CALN1: variants seen among roughly 807,000 people sequenced by gnomAD.
CALN1 encodes the protein calneuron 1.
CALN1 carries 17 observed loss-of-function variants against 30.6 expected under a neutral mutation model. That is an observed-to-expected ratio of 0.56 (90% CI 0.38 to 0.83). The LOEUF (loss-of-function observed/expected upper bound fraction) is 0.83, where lower values mean the gene tolerates loss of function less well. CALN1 is among the 40% of genes least tolerant of loss of function. The pLI is 0.00. For synonymous variants in CALN1, 156 were observed against 131.4 expected, an observed-to-expected ratio of 1.19 and a Z score of -1.28; for missense variants, 291 against 354.9, an observed-to-expected ratio of 0.82 and a Z score of 1.45.
At chr7:72,001,272 AG>A (rs1160743579) in intron 5 of CALN1, among the ~76,000 whole-genome samples, 1 of 152,162 alleles carries the variant, frequency 6.6e-6, no homozygotes, top group African/African-American at 2.4e-5. Context: ...CTAAACAGGT[AG>A]AAAAACCTGA....
chr7:71,847,750 AAAG>A (rs1562835438), intron 5 of CALN1, among the ~76,000 whole-genome samples: 1 of 125,120 alleles, frequency 8.0e-6, no homozygotes, highest in Non-Finnish European at 1.8e-5. Flanking sequence ...AAAGAAGAAG[AAAG>A]AAGAAAGAAG....
chr7:72,423,015 G>C (rs1032018690), intron 1 of CALN1, among the ~76,000 whole-genome samples: 2 of 151,058 alleles, frequency 1.3e-5, no homozygotes, highest in African/African-American at 4.9e-5. Context: ...CAGGGGCTAA[G>C]ACATGAGAAT....
intron 5 of CALN1, among the ~76,000 whole-genome samples, chr7:71,900,299 G>C (rs1793780285): frequency 6.6e-6 from 1 of 152,152 alleles, no homozygotes; most frequent in Non-Finnish European, 1.5e-5. Context: ...AGAGGGTACT[G>C]GAAGTCTTAG....
At chr7:71,922,794 GAATAT>G (rs959538172) in intron 5 of CALN1, among the ~76,000 whole-genome samples, 6 of 132,800 alleles carry the variant, frequency 4.5e-5, no homozygotes, top group South Asian at 4.6e-4. Context: ...ATAACAGACC[GAATAT>G]ATTATATATA....
intron 5 of CALN1, chr7:71,942,454 T>C: frequency 6.0e-6 from 1 of 167,258 alleles, no homozygotes. Flanking sequence ...GCAAGAGGCC[T>C]GGAAGTTGCG....
intron 5 of CALN1, among the ~76,000 whole-genome samples, chr7:71,975,581 C>G (rs192082605): frequency 6.6e-6 from 1 of 152,108 alleles, no homozygotes; most frequent in African/African-American, 2.4e-5. Context: ...CATGCACCAC[C>G]ACAACCAGCT....
chr7:71,877,533 C>T (rs4719182), intron 5 of CALN1, among the ~76,000 whole-genome samples: 18,937 of 150,818 alleles, frequency 0.13, 1,752 homozygotes, highest in East Asian at 0.43. Context: ...AATTGGGTAA[C>T]AAAAATCTAG....
intron 1 of CALN1, among the ~76,000 whole-genome samples, chr7:72,405,393 G>A (rs1053440169): frequency 2.0e-5 from 3 of 152,148 alleles, no homozygotes; most frequent in Admixed American, 1.3e-4. Context: ...TAGCTTGGGA[G>A]GTCTCAGGAA....
intron 4 of CALN1, among the ~76,000 whole-genome samples, chr7:72,029,120 A>G (rs1315731250): frequency 2.0e-5 from 3 of 151,926 alleles, no homozygotes; most frequent in African/African-American, 7.3e-5. Flanking sequence ...TTTTGTTCTA[A>G]TATTTGGTCT....
At chr7:72,057,345 G>A (rs1028439546) in intron 4 of CALN1, among the ~76,000 whole-genome samples, 5 of 150,128 alleles carry the variant, frequency 3.3e-5, no homozygotes, top group Admixed American at 6.6e-5. Context: ...TACTAATTTG[G>A]CAATGGCATT....
intron 3 of CALN1, among the ~76,000 whole-genome samples, chr7:72,199,073 G>A (rs368971358): frequency 2.6e-4 from 40 of 152,166 alleles, no homozygotes; most frequent in African/African-American, 9.7e-4. Flanking sequence ...TCAGCAGTTC[G>A]AGATCAGCTT....
chr7:72,444,720 A>G (rs1585737350), intron 1 of CALN1, among the ~76,000 whole-genome samples: 2 of 151,916 alleles, frequency 1.3e-5, no homozygotes, highest in East Asian at 3.9e-4. Context: ...AAGAAGAGAT[A>G]CTCCTTTGTA....
the CALN1 span, among the ~76,000 whole-genome samples, chr7:72,485,096 T>A: frequency 6.9e-4 from 103 of 150,300 alleles, no homozygotes; most frequent in East Asian, 1.6e-3. Context: ...CAAAAAAAAA[T>A]TTTTTTTAAT....
At chr7:71,879,841 C>T (rs1456330997) in intron 5 of CALN1, among the ~76,000 whole-genome samples, 1 of 152,150 alleles carries the variant, frequency 6.6e-6, no homozygotes, top group Non-Finnish European at 1.5e-5. Context: ...GAAGGAGTTT[C>T]TCACCACTGT....
At chr7:71,865,068 A>C (rs1791509291) in intron 5 of CALN1, among the ~76,000 whole-genome samples, 2 of 152,268 alleles carry the variant, frequency 1.3e-5, no homozygotes, top group East Asian at 1.9e-4. Flanking sequence ...AGCAAGAAAT[A>C]AAGCAAGCAA....
In CALN1 at chr7:72,247,244, T is replaced by A. The variant is rs1267875849; in HGVS notation, c.244+31442A>T. 6.1e-5 allele frequency among the ~76,000 whole-genome samples: 3 copies of A among 49,220 alleles called. 1 individual carries two copies. Among genetic ancestry groups the A allele is most frequent in the South Asian group, 8.9e-4 (1 of 1,128 alleles). 32.3% of individuals were successfully genotyped at this position (49,220 alleles called of 152,430 possible). A position where few individuals can be genotyped will look rare whatever the true frequency, so the allele number is the denominator to read the frequency against. The stretch of plus-strand genomic sequence containing the variant: ...TTTTCTTTCTTTTTTTTTTTTTTTT[T>A]TTTTTTTTTTTTTTTTTTTTTTGAG... On this transcript the variant is annotated intron_variant, in intron 3 of 6. Transcript: ENST00000395275.
chr7:72,372,232 T>C (rs867613156), intron 2 of CALN1, among the ~76,000 whole-genome samples: 53 of 152,220 alleles, frequency 3.5e-4, no homozygotes, highest in African/African-American at 1.2e-3. Flanking sequence ...GCAGTCATGG[T>C]GGTGGGGACA....
chr7:71,837,885 T>C (rs990223597), intron 5 of CALN1, among the ~76,000 whole-genome samples: 1 of 151,674 alleles, frequency 6.6e-6, no homozygotes, highest in Admixed American at 6.6e-5. Context: ...AAATCCCATA[T>C]TACATAAGCA....
In CALN1 at chr7:72,007,948, C is replaced by A. The variant is rs73701616; in HGVS notation, c.501+15709G>T. Among the ~76,000 whole-genome samples, 503 of 152,248 alleles carry A rather than the reference C, an allele frequency of 3.3e-3. 1 individual carries two copies. Among genetic ancestry groups the A allele is most frequent in the African/African-American group, 0.01 (426 of 41,528 alleles). Reference sequence around the variant, plus strand: ...GCAGGCAATATCAAATACACACAGACACACACAAAGAGAAAGTGTCAGAAA... The same window carrying A: ...GCAGGCAATATCAAATACACACAGAAACACACAAAGAGAAAGTGTCAGAAA... On this transcript the variant is annotated intron_variant, in intron 5 of 6. Transcript: ENST00000395275.
Sources: allele counts gnomAD v4.1 joint callset (sites outside exome capture counted in the v4.1 genomes callset), GRCh38; gene constraint gnomAD v4.1.1; transcripts MANE v1.5; gene names NCBI Gene and HGNC (gene_info 2026-07-23, HGNC 2026-07-21).